Variants in STAG3 observed in about 807,000 individuals in gnomAD.
STAG3 encodes the protein cohesin subunit SA-3.
In STAG3, 101 loss-of-function variants were observed where a neutral mutation model predicts 160.7. The ratio of observed to expected loss-of-function variants is 0.63; its 90% confidence interval spans 0.54 to 0.74. STAG3 has a LOEUF of 0.74. Ranked by LOEUF, STAG3 falls within the 30% of genes least tolerant of loss-of-function variation. The pLI, the probability that STAG3 is intolerant of heterozygous loss-of-function variation, is 0.00. For synonymous variants in STAG3, 519 were observed against 585.0 expected, an observed-to-expected ratio of 0.89 and a Z score of 1.63; for missense variants, 1,188 against 1,517.4, an observed-to-expected ratio of 0.78 and a Z score of 3.61.
Position 100,202,459 on chromosome 7 carries a change from T to G in STAG3, c.2569T>G (p.Ser857Ala), listed in dbSNP as rs1392914821. The G allele has an allele frequency of 6.2e-7, 1 of 1,613,514 alleles. No individual in the cohort carries two copies. Among genetic ancestry groups the G allele is most frequent in the East Asian group, 2.2e-5 (1 of 44,854 alleles). ...TTGCCTTCCATGTGAGCCAGGTGAT[T>G]CCCAGGAGGATCATTTACAGATAGA... is the stretch of plus-strand genomic sequence containing the variant. ...IQPGDLGSGDSQEDHLQIERL... is the reference protein window; with the variant it reads ...IQPGDLGSGDAQEDHLQIERL... Residue 857 changes from serine (S) to alanine (A), a missense_variant, in exon 25 of 34, where the codon TCC becomes GCC. Ser to Ala is a moderately conservative substitution (Grantham distance 99, BLOSUM62 1). Coordinates refer to ENST00000615138, the MANE Select transcript of STAG3 (RefSeq NM_001282717.2).
intron 4 of STAG3, among the ~76,000 whole-genome samples, chr7:100,185,890 T>G (rs1799967446): frequency 6.6e-6 from 1 of 152,218 alleles, no homozygotes; most frequent in Admixed American, 6.5e-5. Context: ...CTACTCGTCT[T>G]GGAAAAAGCT....
At chr7:100,199,899 CAAAAA>C (rs11383220) in intron 16 of STAG3, among the ~76,000 whole-genome samples, 7 of 122,282 alleles carry the variant, frequency 5.7e-5, no homozygotes, top group Admixed American at 4.9e-4. Context: ...ACTAAAAATA[CAAAAA>C]AAAAAAAAAA....
intron 1 of STAG3, among the ~76,000 whole-genome samples, chr7:100,179,062 A>G (rs1175981688): frequency 1.4e-5 from 2 of 145,154 alleles, no homozygotes; most frequent in Non-Finnish European, 3.0e-5. Context: ...CTGATTTTGA[A>G]CTCGTAGGGT....
intron 29 of STAG3, 26 bp from the exon 30 acceptor site, chr7:100,210,985 G>A: frequency 6.2e-7 from 1 of 1,607,274 alleles, no homozygotes; most frequent in South Asian, 1.1e-5. Context: ...CCTGGGCTGT[G>A]GTTAATGTAT....
At chr7:100,183,854 A>G (rs893730253) in intron 4 of STAG3, among the ~76,000 whole-genome samples, 3 of 152,248 alleles carry the variant, frequency 2.0e-5, no homozygotes, top group African/African-American at 7.2e-5. Context: ...TTAATGTGTA[A>G]TTTTATAGTT....
In STAG3 at chr7:100,186,947, G is replaced by A. The variant is rs1800041775; in HGVS notation, c.433+651G>A. Among the ~76,000 whole-genome samples, 5 of 152,078 alleles carry A rather than the reference G, an allele frequency of 3.3e-5. No homozygotes were observed. The South Asian group carries it at 1.0e-3, about 31-fold the overall frequency. On this transcript the variant is annotated intron_variant, in intron 5 of 33. Coordinates refer to ENST00000615138, the MANE Select transcript of STAG3 (RefSeq NM_001282717.2). The stretch of plus-strand genomic sequence containing the variant: ...CCAGAACTCTTATTGCCATGGCTTC[G>A]TTTATTGGGACAGATGGTCTCAGTC...
downstream of STAG3, among the ~76,000 whole-genome samples, chr7:100,216,465 T>C (rs542587125): frequency 1.1e-3 from 173 of 152,296 alleles, no homozygotes; most frequent in African/African-American, 3.9e-3. Context: ...TGAGAAACAT[T>C]TTTTAAAATC....
At chr7:100,215,034 G>C (rs976996483), downstream of STAG3, 1 of 152,170 alleles carries the variant, frequency 6.6e-6, no homozygotes, top group African/African-American at 2.4e-5. Flanking sequence ...GTTTGCTCTT[G>C]TTTTGCCTTG....
chr7:100,192,998 C>T (rs1800435575), intron 8 of STAG3, among the ~76,000 whole-genome samples: 1 of 152,224 alleles, frequency 6.6e-6, no homozygotes, highest in African/African-American at 2.4e-5. Context: ...GTTGAAATTA[C>T]TCCTTGTTTC....
At chr7:100,203,185 C>CTTTTT (rs34123265) in intron 25 of STAG3, among the ~76,000 whole-genome samples, 3 of 141,176 alleles carry the variant, frequency 2.1e-5, no homozygotes, top group Non-Finnish European at 4.6e-5. Context: ...CTTTTCTTTT[C>CTTTTT]TTTTTTTTTT....
rs1272828955 is a variant in STAG3, at chr7:100,188,435, A to G, written c.434-18A>G. ...CTGTTATTTTCCTTGTAAGCACCTC[A>G]TATCCTTCATTCTTTAGGCATTGTG... On this transcript the variant is annotated intron_variant, in intron 5 of 33. Transcript: ENST00000615138. 6.4e-7 allele frequency: 1 copy of G among 1,557,662 alleles called. No homozygotes were observed. Among genetic ancestry groups the G allele is most frequent in the Non-Finnish European group, 8.9e-7 (1 of 1,128,478 alleles).
chr7:100,219,003 C>T (rs1359382861), downstream of STAG3: 3 of 155,310 alleles, frequency 1.9e-5, no homozygotes, highest in African/African-American at 4.8e-5. Context: ...AAACCCAGGG[C>T]GTTTAGAGAA....
At chr7:100,199,416 G>A in intron 15 of STAG3, 49 bp downstream of exon 15, 1 of 1,573,866 alleles carries the variant, frequency 6.4e-7, no homozygotes, top group Non-Finnish European at 8.7e-7. Flanking sequence ...CCCCTAGGGT[G>A]AAACTGGGAG....
intron 4 of STAG3, 75 bp downstream of exon 4, chr7:100,182,914 G>A (rs1048575330): frequency 6.5e-7 from 1 of 1,533,448 alleles, no homozygotes; most frequent in African/African-American, 1.4e-5. Context: ...CTACAAACTT[G>A]ATTTGACGTG....
intron 8 of STAG3, 151 bp downstream of exon 8, chr7:100,189,747 T>C: frequency 1.2e-6 from 1 of 811,240 alleles, no homozygotes; most frequent in Non-Finnish European, 1.9e-6. Flanking sequence ...TAAGGGGTCA[T>C]TACATGCTCA....
At chr7:100,201,005 C>T (rs1801079523) in intron 19 of STAG3, 36 bp downstream of exon 19, 1 of 1,613,992 alleles carries the variant, frequency 6.2e-7, no homozygotes, top group Admixed American at 1.7e-5. Context: ...ACACCCCAAA[C>T]AAGGGTGGGA....
chr7:100,199,202 C>T, intron 14 of STAG3, 60 bp from the exon 15 acceptor site: 1 of 1,171,348 alleles, frequency 8.5e-7, no homozygotes, highest in South Asian at 1.2e-5. Flanking sequence ...TAATCAGTAA[C>T]CACTTCGTAG....
Position 100,205,022 on chromosome 7 carries a change from C to T in STAG3, c.2969C>T (p.Ser990Phe). 3.1e-6 allele frequency: 5 copies of T among 1,613,852 alleles called. No homozygotes were observed. Among genetic ancestry groups the T allele is most frequent in the Non-Finnish European group, 4.2e-6 (5 of 1,179,862 alleles). The change falls in exon 28 of 34, where the codon TCC becomes TTC. Residue 990 changes from serine to phenylalanine, a missense_variant. Physicochemically the swap from Ser to Phe is radical, Grantham distance 155. This residue lies in a region of STAG3 where 647 missense variants were observed against 717.2 expected (regional missense o/e 0.90). Transcript: ENST00000615138. ...VMLHKEGIQF[S>F]LSELPPAGSS... ...CAACCAAGGGAAGGCATCCAGTTCT[C>T]CTTGTCTGAGCTTCCTCCAGCTGGC...
At chr7:100,202,144 T>A (rs752764614) in intron 23 of STAG3, 28 bp from the exon 24 acceptor site, 5 of 1,609,476 alleles carry the variant, frequency 3.1e-6, no homozygotes, top group Middle Eastern at 1.7e-4. Flanking sequence ...TTCTGTCCTT[T>A]TAAACATCCT....
Sources: allele counts gnomAD v4.1 joint callset (sites outside exome capture counted in the v4.1 genomes callset), GRCh38; gene constraint gnomAD v4.1.1; regional missense constraint gnomAD v4.1.1; transcripts MANE v1.5; gene names NCBI Gene and HGNC (gene_info 2026-07-23, HGNC 2026-07-21).